Variants in DGKB observed in about 807,000 individuals in gnomAD.
DGKB encodes 90 kDa diacylglycerol kinase.
In DGKB, 67 loss-of-function variants were observed where a neutral mutation model predicts 114.3. That is an observed-to-expected ratio of 0.59 (90% confidence interval 0.48 to 0.72). DGKB has a LOEUF of 0.72. Ranked by LOEUF, DGKB falls within the 30% of genes least tolerant of loss-of-function variation. The probability of loss-of-function intolerance (pLI) is 0.00; values close to 1 mark genes in which losing one functional copy is unlikely to be tolerated. For synonymous variants in DGKB, 398 were observed against 323.1 expected, an observed-to-expected ratio of 1.23 and a Z score of -2.49; for missense variants, 907 against 975.2, an observed-to-expected ratio of 0.93 and a Z score of 0.93.
At position 14,587,335 on chromosome 7, in the gene DGKB, T is replaced by G. The variant is rs1800943106; in HGVS notation, c.1434-4198A>C. Among the ~76,000 whole-genome samples, 12 of 152,210 alleles carry G rather than the reference T, an allele frequency of 7.9e-5. No individual in the cohort carries two copies. The South Asian group carries it at 2.5e-3, about 32-fold the overall frequency. On this transcript the variant is annotated intron_variant, in intron 17 of 25. Transcript: ENST00000402815. ...ATGTGACTGAATTGCCGCAATCTCA[T>G]CATATTTGATGAGAATTGAATTTGA...
chr7:14,607,987 T>C (rs1254276829), intron 16 of DGKB, among the ~76,000 whole-genome samples: 2 of 152,142 alleles, frequency 1.3e-5, no homozygotes, highest in East Asian at 1.9e-4. Flanking sequence ...TATGTGTACA[T>C]GTAAGCAAAG....
At chr7:14,272,196 A>T (rs1562800440) in intron 23 of DGKB, among the ~76,000 whole-genome samples, 2 of 152,088 alleles carry the variant, frequency 1.3e-5, no homozygotes, top group Admixed American at 1.3e-4. Flanking sequence ...ATGACAGTGT[A>T]TTTATTTGAA....
At chr7:14,532,890 G>A (rs574758915) in intron 20 of DGKB, among the ~76,000 whole-genome samples, 7 of 151,724 alleles carry the variant, frequency 4.6e-5, no homozygotes, top group African/African-American at 1.7e-4. Flanking sequence ...AAAATTATAA[G>A]TGAAAGTCTT....
intron 21 of DGKB, among the ~76,000 whole-genome samples, chr7:14,383,685 C>G (rs956275477): frequency 1.3e-5 from 2 of 152,184 alleles, no homozygotes; most frequent in Non-Finnish European, 2.9e-5. Flanking sequence ...CTAACTGAGT[C>G]AACTTTCTTT....
At chr7:14,857,130 A>G (rs1435037914) in intron 1 of DGKB, among the ~76,000 whole-genome samples, 2 of 152,110 alleles carry the variant, frequency 1.3e-5, no homozygotes, top group East Asian at 3.9e-4. Flanking sequence ...GGTGAACTCC[A>G]TCTAGTAGAT....
intron 23 of DGKB, among the ~76,000 whole-genome samples, chr7:14,225,580 T>C (rs1790671933): frequency 6.6e-6 from 1 of 152,112 alleles, no homozygotes; most frequent in Admixed American, 6.6e-5. Context: ...CCTTTTTTTA[T>C]AGCTTGAATG....
At chr7:14,611,579 T>C (rs1409084270) in intron 16 of DGKB, among the ~76,000 whole-genome samples, 10 of 152,136 alleles carry the variant, frequency 6.6e-5, no homozygotes, top group Admixed American at 6.6e-4. Flanking sequence ...TTACATTTCA[T>C]TTGACTTCGC....
intron 21 of DGKB, among the ~76,000 whole-genome samples, chr7:14,348,939 G>A (rs1476694711): frequency 6.6e-6 from 1 of 151,950 alleles, no homozygotes; most frequent in Non-Finnish European, 1.5e-5. Flanking sequence ...TTCAGAACAT[G>A]TAAACAAAGT....
At chr7:14,972,824 A>C (rs1787553816) in intron 1 of DGKB, among the ~76,000 whole-genome samples, 1 of 152,138 alleles carries the variant, frequency 6.6e-6, no homozygotes, top group South Asian at 2.1e-4. Flanking sequence ...TTTGGATTAC[A>C]GAGAAGAATA....
At chr7:14,465,145 T>A (rs1449317775) in intron 21 of DGKB, among the ~76,000 whole-genome samples, 2 of 152,184 alleles carry the variant, frequency 1.3e-5, no homozygotes. Context: ...ATTTTGCATT[T>A]ACCTCACTGA....
chr7:14,237,048 G>A (rs769090879), intron 23 of DGKB, among the ~76,000 whole-genome samples: 1 of 151,752 alleles, frequency 6.6e-6, no homozygotes, highest in Non-Finnish European at 1.5e-5. Flanking sequence ...TTCTGTTATT[G>A]CTTAAATTTG....
intron 4 of DGKB, among the ~76,000 whole-genome samples, chr7:14,747,572 A>G (rs1833487608): frequency 6.6e-6 from 1 of 152,150 alleles, no homozygotes; most frequent in Non-Finnish European, 1.5e-5. Flanking sequence ...ATGACTTACA[A>G]GAAAATTTCC....
intron 7 of DGKB, 29 bp from the exon 8 acceptor site, chr7:14,698,198 G>A: frequency 7.5e-7 from 1 of 1,333,076 alleles, no homozygotes; most frequent in Non-Finnish European, 1.0e-6. Context: ...TAAAAAATAT[G>A]AATACAAGAT....
At chr7:14,507,880 T>G (rs1392652055) in intron 20 of DGKB, among the ~76,000 whole-genome samples, 1 of 152,148 alleles carries the variant, frequency 6.6e-6, no homozygotes, top group Non-Finnish European at 1.5e-5. Flanking sequence ...GTCCAAACAC[T>G]TGTCCATCCT....
At chr7:14,558,536 GCTT>G (rs964586346) in intron 20 of DGKB, among the ~76,000 whole-genome samples, 1 of 151,856 alleles carries the variant, frequency 6.6e-6, no homozygotes, top group Non-Finnish European at 1.5e-5. Context: ...TAAGATTTCT[GCTT>G]TTTTAAAAAA....
chr7:14,323,975 T>C (rs1808279748), intron 23 of DGKB, among the ~76,000 whole-genome samples: 1 of 152,196 alleles, frequency 6.6e-6, no homozygotes, highest in African/African-American at 2.4e-5. Context: ...CACTAAATTT[T>C]CAAAGTCTAG....
chr7:14,840,799 G>A (rs1847834588), intron 2 of DGKB, among the ~76,000 whole-genome samples: 1 of 149,810 alleles, frequency 6.7e-6, no homozygotes, highest in African/African-American at 2.5e-5. Flanking sequence ...ACTGTCTCAA[G>A]CACAGCATTG....
At chr7:14,954,203 T>C (rs548369201) in intron 1 of DGKB, among the ~76,000 whole-genome samples, 1 of 152,178 alleles carries the variant, frequency 6.6e-6, no homozygotes, top group Admixed American at 6.6e-5. Context: ...TCAAACTGAA[T>C]GGTTCATTCC....
At chr7:14,511,313 C>A (rs906146500) in intron 20 of DGKB, among the ~76,000 whole-genome samples, 1 of 152,186 alleles carries the variant, frequency 6.6e-6, no homozygotes, top group African/African-American at 2.4e-5. Context: ...CTTGCTGCAG[C>A]TTCTCTGTCA....
Sources: allele counts gnomAD v4.1 joint callset (sites outside exome capture counted in the v4.1 genomes callset), GRCh38; gene constraint gnomAD v4.1.1; transcripts MANE v1.5; gene names NCBI Gene and HGNC (gene_info 2026-07-23, HGNC 2026-07-21).